Variants in LRMDA observed in about 807,000 individuals in gnomAD.
The protein encoded by LRMDA is leucine-rich melanocyte differentiation-associated protein.
In LRMDA, 18 loss-of-function variants were observed where a neutral mutation model predicts 29.8. The ratio of observed to expected loss-of-function variants is 0.60; its 90% CI spans 0.42 to 0.90. The LOEUF (loss-of-function observed/expected upper bound fraction) is 0.90. Ranked by LOEUF, LRMDA falls within the 40% of genes least tolerant of loss-of-function variation. LRMDA has a pLI of 0.00. For synonymous variants in LRMDA, 125 were observed against 109.4 expected (o/e 1.14, Z -0.89); for missense variants, 273 against 273.9 (o/e 1.00, Z 0.02).
rs540280170 is a variant in LRMDA, at chr10:76,125,789, A to G, written c.516+67006A>G. ...CCAAGATGACTGTCTCGACCTCCTC[A>G]GTTTCTGTGAAGAGGACATCACTGT... On this transcript the variant is annotated intron_variant, in intron 5 of 6. Coordinates refer to ENST00000611255, the MANE Select transcript of LRMDA (RefSeq NM_001305581.2). Among the ~76,000 whole-genome samples, 35 of 152,316 alleles carry G rather than the reference A, an allele frequency of 2.3e-4. 1 individual carries two copies. In the Middle Eastern group the frequency reaches 0.014, roughly 59 times the overall value.
chr10:75,681,766 C>T (rs561225605), intron 2 of LRMDA, among the ~76,000 whole-genome samples: 15 of 152,302 alleles, frequency 9.8e-5, no homozygotes, highest in South Asian at 2.1e-4. Flanking sequence ...GGAGGGGAAA[C>T]GAGTGACTGT....
At position 75,994,259 on chromosome 10, in the gene LRMDA, T is replaced by C. The variant is rs1009834764; in HGVS notation, c.132-41749T>C. Among the ~76,000 whole-genome samples the C allele has an allele frequency of 9.8e-5, 15 of 152,328 alleles. 1 individual carries two copies. Among genetic ancestry groups the C allele is most frequent in the African/African-American group, 2.9e-4 (12 of 41,572 alleles). ...TGGTCTTTATATATCCAAGCTAACCTGAGATGCAAAGCTAGGAATTCACTT... is the reference window on the plus strand; with the variant it reads ...TGGTCTTTATATATCCAAGCTAACCCGAGATGCAAAGCTAGGAATTCACTT... On this transcript the variant is annotated intron_variant, in intron 2 of 6. Transcript: ENST00000611255.
chr10:75,610,689 A>G (rs1841018609), intron 2 of LRMDA, among the ~76,000 whole-genome samples: 2 of 152,170 alleles, frequency 1.3e-5, no homozygotes, highest in South Asian at 4.1e-4. Context: ...CCCAGTCCTG[A>G]CACAATGTAT....
intron 5 of LRMDA, among the ~76,000 whole-genome samples, chr10:76,228,840 G>C (rs910451394): frequency 6.6e-6 from 1 of 152,194 alleles, no homozygotes. Context: ...AGCCTGATAG[G>C]CTCCCACTAG....
intron 2 of LRMDA, among the ~76,000 whole-genome samples, chr10:75,622,116 G>T (rs1167928322): frequency 6.6e-6 from 1 of 152,124 alleles, no homozygotes; most frequent in Non-Finnish European, 1.5e-5. Flanking sequence ...TGAATAAATT[G>T]GCTGAAAAGG....
chr10:76,007,552 C>T (rs915821245), intron 2 of LRMDA, among the ~76,000 whole-genome samples: 1 of 152,176 alleles, frequency 6.6e-6, no homozygotes, highest in African/African-American at 2.4e-5. Context: ...AGCCACCTGC[C>T]CTGGTGTCCC....
At chr10:75,857,265 C>T (rs1388286400) in intron 2 of LRMDA, among the ~76,000 whole-genome samples, 1 of 152,200 alleles carries the variant, frequency 6.6e-6, no homozygotes, top group Non-Finnish European at 1.5e-5. Context: ...TGCCAAGAAA[C>T]TTGGCGGGTT....
At chr10:75,915,838 A>T (rs1463556187) in intron 2 of LRMDA, among the ~76,000 whole-genome samples, 1 of 152,184 alleles carries the variant, frequency 6.6e-6, no homozygotes, top group Non-Finnish European at 1.5e-5. Flanking sequence ...AAGTAGCTAG[A>T]ATACCAGGCC....
intron 5 of LRMDA, among the ~76,000 whole-genome samples, chr10:76,250,157 A>G (rs1214336936): frequency 1.3e-5 from 2 of 152,184 alleles, no homozygotes; most frequent in Non-Finnish European, 2.9e-5. Context: ...TAAGGTTCTC[A>G]TTGCTGAGTT....
chr10:75,507,911 C>T (rs1471854553), intron 2 of LRMDA, among the ~76,000 whole-genome samples: 1 of 152,156 alleles, frequency 6.6e-6, no homozygotes, highest in African/African-American at 2.4e-5. Flanking sequence ...AAGCCCTGGC[C>T]TAGTAAAAGG....
At chr10:75,854,364 A>G (rs1347082843) in intron 2 of LRMDA, among the ~76,000 whole-genome samples, 1 of 151,994 alleles carries the variant, frequency 6.6e-6, no homozygotes, top group Non-Finnish European at 1.5e-5. Context: ...GATAGTCTCA[A>G]TTTATGCCTA....
chr10:75,614,125 C>G (rs1841069352), intron 2 of LRMDA, among the ~76,000 whole-genome samples: 2 of 152,262 alleles, frequency 1.3e-5, no homozygotes, highest in East Asian at 1.9e-4. Context: ...CACCCTATCA[C>G]CCCTTTGTCT....
At chr10:75,645,611 A>G (rs530184424) in intron 2 of LRMDA, among the ~76,000 whole-genome samples, 1 of 152,258 alleles carries the variant, frequency 6.6e-6, no homozygotes, top group South Asian at 2.1e-4. Flanking sequence ...GATAGTAGCA[A>G]TGCTGTGTAA....
intron 2 of LRMDA, among the ~76,000 whole-genome samples, chr10:75,619,317 T>C (rs1841150477): frequency 6.6e-6 from 1 of 152,188 alleles, no homozygotes; most frequent in Non-Finnish European, 1.5e-5. Context: ...CCTATCCTGT[T>C]GTCCTGTTTA....
At chr10:76,409,255 G>A (rs927147660) in intron 6 of LRMDA, among the ~76,000 whole-genome samples, 10 of 152,136 alleles carry the variant, frequency 6.6e-5, no homozygotes, top group African/African-American at 2.4e-4. Context: ...TCTGCAATGA[G>A]AATATTTTAT....
At chr10:75,867,359 C>T (rs1463731164) in intron 2 of LRMDA, among the ~76,000 whole-genome samples, 7 of 152,138 alleles carry the variant, frequency 4.6e-5, no homozygotes, top group Non-Finnish European at 8.8e-5. Flanking sequence ...GACAGGGTTT[C>T]ACCATGTTAG....
At chr10:76,235,606 C>T (rs1852137636) in intron 5 of LRMDA, among the ~76,000 whole-genome samples, 1 of 152,106 alleles carries the variant, frequency 6.6e-6, no homozygotes, top group African/African-American at 2.4e-5. Flanking sequence ...TGTGGTGTCA[C>T]CTCTATTCTC....
In LRMDA at chr10:76,092,349, C is replaced by G. The variant is rs551521610; in HGVS notation, c.516+33566C>G. Among the ~76,000 whole-genome samples the G allele has an allele frequency of 3.9e-5, 6 of 152,304 alleles. No individual in the cohort carries two copies. In the East Asian group the frequency reaches 1.2e-3, roughly 29 times the overall value. ...CTTTCCGGTGCTTAGATCCTAATTA[C>G]AAATGTAAATTGAGGGCTGCAACTG... On this transcript the variant is annotated intron_variant, in intron 5 of 6. Coordinates refer to ENST00000611255, the MANE Select transcript of LRMDA (RefSeq NM_001305581.2).
intron 5 of LRMDA, among the ~76,000 whole-genome samples, chr10:76,144,407 C>T (rs1176797987): frequency 1.3e-5 from 2 of 152,036 alleles, no homozygotes; most frequent in East Asian, 3.8e-4. Flanking sequence ...AGGTCCTTCA[C>T]ATCCCTTGTA....
Sources: allele counts gnomAD v4.1 joint callset (sites outside exome capture counted in the v4.1 genomes callset), GRCh38; gene constraint gnomAD v4.1.1; transcripts MANE v1.5; gene names NCBI Gene and HGNC (gene_info 2026-07-23, HGNC 2026-07-21).